The following EEA1 variants were observed in gnomAD, a reference collection of about 807,000 sequenced individuals.
EEA1 encodes early endosome antigen 1, 162kD.
Under a neutral mutation model 209.2 loss-of-function variants are expected in EEA1, and 111 were observed. The observed-to-expected ratio is 0.53, with a 90% CI of 0.45 to 0.62. The LOEUF (loss-of-function observed/expected upper bound fraction) is 0.62. EEA1 is among the 20% of genes least tolerant of loss of function. The pLI is 0.00. For synonymous variants in EEA1, 536 were observed against 540.6 expected, an observed-to-expected ratio of 0.99 and a Z score of 0.12; for missense variants, 1,343 against 1,530.8, an observed-to-expected ratio of 0.88 and a Z score of 2.05.
chr12:92,826,654 G>C (rs1213057321), intron 12 of EEA1, among the ~76,000 whole-genome samples: 3 of 149,986 alleles, frequency 2.0e-5, no homozygotes, highest in Admixed American at 6.6e-5. Context: ...GGCAGAGGTC[G>C]CAGTGAGCCG....
At chr12:92,861,545 T>C (rs1878153375) in intron 3 of EEA1, among the ~76,000 whole-genome samples, 1 of 152,168 alleles carries the variant, frequency 6.6e-6, no homozygotes, top group South Asian at 2.1e-4. Context: ...CAAGTACAAA[T>C]GGTATCTCCA....
intron 9 of EEA1, among the ~76,000 whole-genome samples, chr12:92,848,045 T>A (rs1166064796): frequency 1.3e-5 from 2 of 150,856 alleles, no homozygotes; most frequent in African/African-American, 4.8e-5. Flanking sequence ...AGGTAATAAG[T>A]ATTATTATTT....
intron 23 of EEA1, 23 bp downstream of exon 23, chr12:92,781,927 T>C: frequency 6.3e-7 from 1 of 1,583,728 alleles, no homozygotes; most frequent in Non-Finnish European, 8.6e-7. Flanking sequence ...AGATTGTAGA[T>C]TTAGGTCAGA....
chr12:92,881,364 A>T (rs1433276653), intron 2 of EEA1, among the ~76,000 whole-genome samples: 1 of 152,062 alleles, frequency 6.6e-6, no homozygotes, highest in Admixed American at 6.6e-5. Flanking sequence ...AGCAGTGATC[A>T]CACCACCACA....
chr12:92,898,494 T>A (rs1483969800), intron 1 of EEA1, among the ~76,000 whole-genome samples: 2 of 151,918 alleles, frequency 1.3e-5, no homozygotes, highest in Non-Finnish European at 2.9e-5. Flanking sequence ...TGAAACCTCA[T>A]CTCTACTAAA....
rs984714486 is a variant in EEA1 at position 92,903,530 on chromosome 12, G to A, written c.25-11809C>T. Among the ~76,000 whole-genome samples the A allele has an allele frequency of 7.9e-5, 12 of 151,428 alleles. No individual in the cohort carries two copies. The South Asian group carries it at 1.9e-3, about 24-fold the overall frequency. ...GGAGAATCACTTGAACCCAGGAGGC[G>A]AAGGTTGTGGTGAGCTGAGATAGCA... On this transcript the variant is annotated intron_variant, in intron 1 of 28. Transcript: ENST00000322349.
chr12:92,908,953 A>G (rs933823533), intron 1 of EEA1, among the ~76,000 whole-genome samples: 1 of 152,110 alleles, frequency 6.6e-6, no homozygotes, highest in South Asian at 2.1e-4. Flanking sequence ...CCTCCTGAGT[A>G]GCTAGGATTA....
At chr12:92,841,021 G>C (rs1337489262) in intron 10 of EEA1, among the ~76,000 whole-genome samples, 1 of 152,174 alleles carries the variant, frequency 6.6e-6, no homozygotes, top group African/African-American at 2.4e-5. Context: ...CTATGAACCA[G>C]AAAGCAATGT....
At chr12:92,799,130 A>T (rs770781065) in intron 20 of EEA1, 44 bp from the exon 21 acceptor site, 1 of 1,487,620 alleles carries the variant, frequency 6.7e-7, no homozygotes, top group Non-Finnish European at 8.9e-7. Context: ...TTGTTCATTC[A>T]AAAGACGATG....
At chr12:92,824,765 A>G (rs1053919286) in intron 13 of EEA1, among the ~76,000 whole-genome samples, 3 of 152,154 alleles carry the variant, frequency 2.0e-5, no homozygotes, top group Non-Finnish European at 4.4e-5. Context: ...ATCACCATTT[A>G]ACATGCTATA....
intron 3 of EEA1, chr12:92,858,711 T>G (rs941686135): frequency 5.4e-6 from 4 of 741,266 alleles, no homozygotes; most frequent in African/African-American, 5.1e-5. Context: ...CTGTTTGGCA[T>G]GATGAAGAGG....
chr12:92,787,809 T>C, intron 22 of EEA1, 58 bp downstream of exon 22: 2 of 1,303,440 alleles, frequency 1.5e-6, no homozygotes, highest in South Asian at 4.8e-5. Context: ...AAATAGATCA[T>C]TTAATAAATG....
intron 1 of EEA1, among the ~76,000 whole-genome samples, 161 bp downstream of exon 1, chr12:92,928,882 C>A (rs2136797509): frequency 6.6e-6 from 1 of 150,954 alleles, no homozygotes; most frequent in African/African-American, 2.4e-5. Context: ...CCCCACCCGC[C>A]CTCCCCGCCC....
In EEA1 at chr12:92,775,941, G is replaced by A. The variant is rs1309113800; in HGVS notation, c.*70C>T. The A allele has an allele frequency of 6.6e-7, 1 of 1,521,026 alleles. No homozygotes were observed. Among genetic ancestry groups the A allele is most frequent in the Non-Finnish European group, 8.9e-7 (1 of 1,126,554 alleles). The allele number at this position is 1,521,026 out of a possible 1,614,324, so 94.2% of individuals were successfully genotyped here. On this transcript the variant is annotated 3_prime_UTR_variant, in exon 29 of 29. Transcript: ENST00000322349. ...GTGTCCAAACCAAATAGTAGTCCAA[G>A]ACCTCTATTAAGTACATTTATTAAA...
chr12:92,891,815 A>C, intron 1 of EEA1, 94 bp from the exon 2 acceptor site: 1 of 813,678 alleles, frequency 1.2e-6, no homozygotes, highest in East Asian at 2.5e-5. Flanking sequence ...TTCACATAAG[A>C]AAAGTAGATG....
rs560034126 is a variant in EEA1, at chr12:92,891,077, CA to C, written c.117+551del. On this transcript the variant is annotated intron_variant, in intron 2 of 28. Transcript: ENST00000322349. ...CTTATCTCCTTTTTCTATAATCATCCAATATTACTTATTTATTAAAAATAAT... is the reference window on the plus strand; with the variant it reads ...CTTATCTCCTTTTTCTATAATCATCCATATTACTTATTTATTAAAAATAAT... Among the ~76,000 whole-genome samples, 637 of 152,120 alleles carry C rather than the reference CA, an allele frequency of 4.2e-3. 2 individuals carry two copies. Among genetic ancestry groups the C allele is most frequent in the Non-Finnish European group, 6.9e-3 (471 of 67,992 alleles).
intron 1 of EEA1, among the ~76,000 whole-genome samples, chr12:92,913,700 A>C (rs1397299543): frequency 6.6e-6 from 1 of 152,002 alleles, no homozygotes; most frequent in Non-Finnish European, 1.5e-5. Flanking sequence ...TTGCTCTGTC[A>C]CCCGGGCTGG....
intron 9 of EEA1, among the ~76,000 whole-genome samples, chr12:92,849,010 C>T (rs998062932): frequency 2.6e-5 from 4 of 152,084 alleles, no homozygotes; most frequent in Admixed American, 6.6e-5. Context: ...AGGTGAGCCA[C>T]CATACTCAGC....
intron 2 of EEA1, among the ~76,000 whole-genome samples, chr12:92,878,429 GA>G (rs1346070536): frequency 2.0e-5 from 3 of 152,148 alleles, no homozygotes; most frequent in African/African-American, 7.2e-5. Flanking sequence ...CAATATCTGA[GA>G]TTTTCTACAA....
Sources: gnomAD v4.1 joint callset for allele counts (sites outside exome capture counted in the v4.1 genomes callset) on GRCh38, gnomAD v4.1.1 for gene constraint, MANE v1.5 for transcripts, NCBI Gene and HGNC (gene_info 2026-07-23, HGNC 2026-07-21) for gene names.